Variants in NREP observed in about 807,000 individuals in gnomAD.
The protein encoded by NREP is neuronal regeneration related protein.
A neutral mutation model predicts 8.6 loss-of-function variants in NREP; 5 were observed. The observed-to-expected ratio is 0.58, with a 90% confidence interval of 0.30 to 1.22. NREP has a LOEUF of 1.22. NREP is among the 50% of genes most tolerant of loss of function. The pLI is 0.07. For synonymous variants in NREP, 27 were observed against 28.0 expected (o/e 0.96, Z 0.11); for missense variants, 86 against 82.5 (o/e 1.04, Z -0.17).
intron 2 of NREP, among the ~76,000 whole-genome samples, chr5:111,890,381 T>C (rs1754365467): frequency 6.6e-6 from 1 of 152,236 alleles, no homozygotes; most frequent in East Asian, 1.9e-4. Context: ...AGCTTTTCCT[T>C]GCACAGGGTG....
intron 2 of NREP, among the ~76,000 whole-genome samples, chr5:111,886,978 T>C (rs1754267958): frequency 6.7e-6 from 1 of 149,566 alleles, no homozygotes; most frequent in African/African-American, 2.5e-5. Flanking sequence ...AGATTAATAA[T>C]AAAATAAAAA....
chr5:111,888,875 C>T (rs1163627849), intron 2 of NREP, among the ~76,000 whole-genome samples: 1 of 152,012 alleles, frequency 6.6e-6, no homozygotes, highest in African/African-American at 2.4e-5. Flanking sequence ...CATAGGAGTA[C>T]AAAATGAGCA....
chr5:111,747,127 G>T (rs1240579815), intron 2 of NREP, among the ~76,000 whole-genome samples: 1 of 152,138 alleles, frequency 6.6e-6, no homozygotes, highest in Non-Finnish European at 1.5e-5. Flanking sequence ...CTTCGTGGAG[G>T]AAATAGTTAA....
At chr5:111,740,433 A>ATGTATGG (rs1487160030) in intron 2 of NREP, among the ~76,000 whole-genome samples, 4 of 152,154 alleles carry the variant, frequency 2.6e-5, no homozygotes, top group African/African-American at 4.8e-5. Context: ...AATTGGAAAT[A>ATGTATGG]AAATACTCAG....
chr5:111,771,575 C>G (rs1480904677), intron 2 of NREP, among the ~76,000 whole-genome samples: 1 of 151,936 alleles, frequency 6.6e-6, no homozygotes, highest in Non-Finnish European at 1.5e-5. Context: ...CCAGCCTGAC[C>G]AACATGGAGA....
At chr5:111,951,855 G>A (rs76918627) in intron 2 of NREP, among the ~76,000 whole-genome samples, 1,654 of 152,110 alleles carry the variant, frequency 0.011, 34 homozygotes, top group African/African-American at 0.038. Context: ...TGCGAGGTAT[G>A]CCATATGTTT....
chr5:111,904,527 T>C (rs903870399), intron 2 of NREP, among the ~76,000 whole-genome samples: 3 of 152,152 alleles, frequency 2.0e-5, no homozygotes, highest in Admixed American at 2.0e-4. Context: ...CTTTTCAGGC[T>C]GTTTTCTCTC....
chr5:111,805,445 C>T (rs953123811), intron 2 of NREP, among the ~76,000 whole-genome samples: 1 of 152,142 alleles, frequency 6.6e-6, no homozygotes, highest in African/African-American at 2.4e-5. Context: ...ATTGGATAAA[C>T]TATGTTACAG....
At chr5:111,804,495 T>C (rs1752089713) in intron 2 of NREP, among the ~76,000 whole-genome samples, 1 of 152,172 alleles carries the variant, frequency 6.6e-6, no homozygotes, top group Non-Finnish European at 1.5e-5. Context: ...AAAATCCAGA[T>C]GTGTGTATGT....
intron 2 of NREP, among the ~76,000 whole-genome samples, chr5:111,808,284 G>A (rs1279075240): frequency 6.6e-6 from 1 of 152,160 alleles, no homozygotes; most frequent in Non-Finnish European, 1.5e-5. Context: ...CACTGTCTTG[G>A]AAGTCTCTGC....
chr5:111,920,463 C>G (rs1366202281), intron 2 of NREP, among the ~76,000 whole-genome samples: 2 of 152,066 alleles, frequency 1.3e-5, no homozygotes, highest in Non-Finnish European at 2.9e-5. Flanking sequence ...GCCTCATTGT[C>G]TGAGGTGTCA....
intron 2 of NREP, among the ~76,000 whole-genome samples, chr5:111,921,500 G>C (rs766933148): frequency 1.1e-4 from 16 of 152,100 alleles, no homozygotes. Flanking sequence ...ACAAGGTGTA[G>C]GTCACACTTT....
chr5:111,912,304 G>C (rs1754935085), intron 2 of NREP, among the ~76,000 whole-genome samples: 1 of 151,918 alleles, frequency 6.6e-6, no homozygotes, highest in Non-Finnish European at 1.5e-5. Flanking sequence ...ATGAGCTAGG[G>C]TCTGCCCTGC....
chr5:111,902,006 G>C (rs1399573932), intron 2 of NREP, among the ~76,000 whole-genome samples: 1 of 152,014 alleles, frequency 6.6e-6, no homozygotes, highest in Non-Finnish European at 1.5e-5. Context: ...ATACTGAGCA[G>C]AAAGAACAAA....
At chr5:111,873,657 C>G (rs1753839090) in intron 2 of NREP, among the ~76,000 whole-genome samples, 1 of 152,126 alleles carries the variant, frequency 6.6e-6, no homozygotes, top group South Asian at 2.1e-4. Context: ...ACCTCCTGTT[C>G]CATTATTCAG....
chr5:111,842,147 A>G (rs1753045153), intron 2 of NREP, among the ~76,000 whole-genome samples: 1 of 152,190 alleles, frequency 6.6e-6, no homozygotes, highest in Non-Finnish European at 1.5e-5. Context: ...TGCACCTACC[A>G]ACACCTAGAC....
At chr5:111,759,137 T>G (rs1047550761), upstream of NREP, among the ~76,000 whole-genome samples, 2 of 152,124 alleles carry the variant, frequency 1.3e-5, no homozygotes, top group Non-Finnish European at 2.9e-5. Flanking sequence ...GGGAGACGCC[T>G]GGGGGCTGAT....
chr5:111,820,437 T>C (rs1752490570), intron 2 of NREP, among the ~76,000 whole-genome samples: 1 of 152,118 alleles, frequency 6.6e-6, no homozygotes, highest in Admixed American at 6.5e-5. Context: ...AATCCACAAA[T>C]GATTGGGATT....
At chr5:111,906,172 A>G (rs1754773354) in intron 2 of NREP, among the ~76,000 whole-genome samples, 1 of 151,972 alleles carries the variant, frequency 6.6e-6, no homozygotes, top group Non-Finnish European at 1.5e-5. Flanking sequence ...TAATATAACC[A>G]TTGTTTTATT....
Sources: gnomAD v4.1 joint callset for allele counts (sites outside exome capture counted in the v4.1 genomes callset) on GRCh38, gnomAD v4.1.1 for gene constraint, MANE v1.5 for transcripts, NCBI Gene and HGNC (gene_info 2026-07-23, HGNC 2026-07-21) for gene names.